The following WWOX variants were observed in gnomAD, a reference collection of about 807,000 sequenced individuals.
The protein encoded by WWOX is WW domain-containing oxidoreductase.
A neutral mutation model predicts 46.2 loss-of-function variants in WWOX; 69 were observed. The ratio of observed to expected loss-of-function variants is 1.49; its 90% CI spans 1.23 to 1.82. WWOX has a LOEUF of 1.82. Among genes scored for constraint, WWOX ranks in the 40% most tolerant of loss-of-function variants. The probability of loss-of-function intolerance (pLI) is 0.00; values close to 1 mark genes in which losing one functional copy is unlikely to be tolerated. For synonymous variants in WWOX, 359 were observed against 202.6 expected, an observed-to-expected ratio of 1.77 and a Z score of -6.56; for missense variants, 919 against 542.6, an observed-to-expected ratio of 1.69 and a Z score of -6.89.
At chr16:79,172,287 G>A (rs1482356590) in intron 8 of WWOX, among the ~76,000 whole-genome samples, 3 of 152,218 alleles carry the variant, frequency 2.0e-5, no homozygotes, top group Non-Finnish European at 2.9e-5. Flanking sequence ...CACTTGGCAC[G>A]TAGGAATGTA....
At chr16:79,084,375 A>G (rs1442399683) in intron 8 of WWOX, among the ~76,000 whole-genome samples, 2 of 152,216 alleles carry the variant, frequency 1.3e-5, no homozygotes, top group African/African-American at 4.8e-5. Context: ...GGAATAAATA[A>G]TGTAAAATAT....
At chr16:78,735,921 C>G (rs1187057389) in intron 8 of WWOX, among the ~76,000 whole-genome samples, 4 of 152,194 alleles carry the variant, frequency 2.6e-5, no homozygotes, top group East Asian at 3.9e-4. Context: ...TGTTCTCTTT[C>G]TCTCACCTCC....
chr16:78,878,117 C>G (rs13337942), intron 8 of WWOX, among the ~76,000 whole-genome samples: 16,206 of 152,150 alleles, frequency 0.11, 1,319 homozygotes, highest in African/African-American at 0.22. Context: ...CACTGGGGTT[C>G]GGAATACAAC....
chr16:78,106,915 A>G (rs1207416571), intron 1 of WWOX, among the ~76,000 whole-genome samples: 1 of 152,212 alleles, frequency 6.6e-6, no homozygotes, highest in Non-Finnish European at 1.5e-5. Context: ...CTCAGCTAGC[A>G]TGGGCTGCTC....
intron 8 of WWOX, among the ~76,000 whole-genome samples, chr16:78,486,930 A>G (rs2084652767): frequency 6.6e-6 from 1 of 152,136 alleles, no homozygotes; most frequent in African/African-American, 2.4e-5. Flanking sequence ...ATCTATTCCT[A>G]ATGCAGGCTC....
intron 8 of WWOX, among the ~76,000 whole-genome samples, chr16:79,175,926 A>G (rs1215216201): frequency 6.6e-6 from 1 of 152,000 alleles, no homozygotes; most frequent in Non-Finnish European, 1.5e-5. Context: ...TGTAATCTCT[A>G]CCTGAGTTCC....
At chr16:79,139,245 A>G (rs942745103) in intron 8 of WWOX, among the ~76,000 whole-genome samples, 2 of 152,216 alleles carry the variant, frequency 1.3e-5, no homozygotes, top group Non-Finnish European at 2.9e-5. Context: ...AGAGAGAAGG[A>G]CAGATTTTCT....
intron 8 of WWOX, among the ~76,000 whole-genome samples, chr16:79,068,261 T>C (rs1287005897): frequency 2.6e-5 from 4 of 152,200 alleles, no homozygotes; most frequent in African/African-American, 4.8e-5. Flanking sequence ...GCCATGACTG[T>C]GTCAAGCACT....
intron 8 of WWOX, among the ~76,000 whole-genome samples, chr16:78,580,234 C>T (rs569136743): frequency 4.6e-5 from 7 of 152,118 alleles, no homozygotes; most frequent in African/African-American, 9.6e-5. Context: ...CCAGCATGCC[C>T]GGCTAGCTTT....
At chr16:78,604,319 T>G (rs1278899164) in intron 8 of WWOX, among the ~76,000 whole-genome samples, 1 of 152,142 alleles carries the variant, frequency 6.6e-6, no homozygotes, top group African/African-American at 2.4e-5. Context: ...CTCTTAACCC[T>G]GACTTCTCTA....
At chr16:79,129,019 A>G (rs1410854214) in intron 8 of WWOX, among the ~76,000 whole-genome samples, 1 of 152,216 alleles carries the variant, frequency 6.6e-6, no homozygotes, top group African/African-American at 2.4e-5. Context: ...GCTGGTAAAC[A>G]ACAGTCCAAG....
At chr16:78,592,723 T>C (rs1443567194) in intron 8 of WWOX, among the ~76,000 whole-genome samples, 1 of 152,194 alleles carries the variant, frequency 6.6e-6, no homozygotes, top group Non-Finnish European at 1.5e-5. Flanking sequence ...GGTGGTAAAT[T>C]CTTCCACATA....
At chr16:78,329,695 A>G (rs1472866998) in intron 5 of WWOX, among the ~76,000 whole-genome samples, 1 of 151,544 alleles carries the variant, frequency 6.6e-6, no homozygotes, top group East Asian at 1.9e-4. Flanking sequence ...TAGCCAACAT[A>G]TACATGGGGA....
At chr16:78,974,785 G>C (rs1340979709) in intron 8 of WWOX, among the ~76,000 whole-genome samples, 1 of 152,154 alleles carries the variant, frequency 6.6e-6, no homozygotes, top group Non-Finnish European at 1.5e-5. Context: ...TTCAGAATGG[G>C]ATGTTTAGGG....
chr16:78,819,980 A>G (rs961431152), intron 8 of WWOX, among the ~76,000 whole-genome samples: 1 of 152,168 alleles, frequency 6.6e-6, no homozygotes, highest in Admixed American at 6.5e-5. Flanking sequence ...TTTGATATCA[A>G]CATCTGTAAA....
intron 5 of WWOX, among the ~76,000 whole-genome samples, chr16:78,306,798 A>T (rs2080142098): frequency 1.3e-5 from 2 of 151,586 alleles, no homozygotes; most frequent in Admixed American, 6.6e-5. Flanking sequence ...ATCCCCACTG[A>T]GTCCCATTCC....
intron 8 of WWOX, among the ~76,000 whole-genome samples, chr16:79,174,301 C>A (rs895899704): frequency 6.6e-6 from 1 of 152,182 alleles, no homozygotes; most frequent in African/African-American, 2.4e-5. Flanking sequence ...TCTTTTCCCC[C>A]AAATACAATA....
At chr16:78,114,394 C>G (rs1328280436) in intron 3 of WWOX, among the ~76,000 whole-genome samples, 3 of 152,124 alleles carry the variant, frequency 2.0e-5, no homozygotes, top group Admixed American at 1.3e-4. Context: ...GCCACTGTGC[C>G]CAGCCTCCAG....
intron 8 of WWOX, chr16:78,895,741 T>G (rs1003075607): frequency 4.6e-5 from 7 of 152,336 alleles, no homozygotes; most frequent in African/African-American, 1.7e-4. Context: ...AACGCAAGAC[T>G]TAAATGTAAT....
Sources: gnomAD v4.1 joint callset for allele counts (sites outside exome capture counted in the v4.1 genomes callset) on GRCh38, gnomAD v4.1.1 for gene constraint, MANE v1.5 for transcripts, NCBI Gene and HGNC (gene_info 2026-07-23, HGNC 2026-07-21) for gene names.